NEMP2: variants seen among roughly 807,000 people sequenced by gnomAD.
NEMP2 encodes nuclear envelope integral membrane protein 2, also known as UPF0571 transmembrane protein.
In NEMP2, 53 loss-of-function variants were observed where a neutral mutation model predicts 54.2. That is an observed-to-expected ratio of 0.98 (90% confidence interval 0.78 to 1.23). The LOEUF is 1.23. Ranked by LOEUF, NEMP2 falls within the 50% of genes most tolerant of loss-of-function variation. The pLI is 0.00. For synonymous variants in NEMP2, 197 were observed against 190.3 expected (o/e 1.04, Z -0.29); for missense variants, 455 against 511.3 (o/e 0.89, Z 1.06).
At chr2:190,569,140 T>C in the NEMP2 span, among the ~76,000 whole-genome samples, 3 of 152,212 alleles carry the variant, frequency 2.0e-5, no homozygotes, top group African/African-American at 4.8e-5. Flanking sequence ...CTGCTCTTTG[T>C]CTTTTAGACT....
chr2:190,609,666 A>AT, the NEMP2 span: 1 of 152,186 alleles, frequency 6.6e-6, no homozygotes, highest in Admixed American at 6.5e-5. The surrounding 1 kb of genome is among the most constrained non-coding windows in gnomAD (Gnocchi z 4.7). Context: ...GCAGGCCTGC[A>AT]TTAGTGAGAC....
the NEMP2 span, among the ~76,000 whole-genome samples, chr2:190,642,651 T>G: frequency 6.6e-6 from 1 of 152,144 alleles, no homozygotes; most frequent in Non-Finnish European, 1.5e-5. The surrounding 1 kb of genome is among the most constrained non-coding windows in gnomAD (Gnocchi z 4.1). Context: ...AAGGGAAATT[T>G]TAATTATATT....
chr2:190,576,001 G>T, the NEMP2 span, among the ~76,000 whole-genome samples: 4 of 150,634 alleles, frequency 2.7e-5, no homozygotes, highest in Non-Finnish European at 4.4e-5. Flanking sequence ...TTGAGGCAGG[G>T]TCTCCCTCTG....
chr2:190,437,340 C>T, the NEMP2 span: 2 of 1,614,274 alleles, frequency 1.2e-6, no homozygotes, highest in South Asian at 1.1e-5. This position sits in a 1 kb window ranked among gnomAD's most constrained non-coding sequence, Gnocchi z 5.9. Context: ...ACTTTTGGGA[C>T]TTAATCAAGC....
At chr2:190,624,520 A>G in the NEMP2 span, 1 of 152,360 alleles carries the variant, frequency 6.6e-6, no homozygotes, top group East Asian at 1.9e-4. Flanking sequence ...TTTCATATTT[A>G]TTACTCTATT....
the NEMP2 span, among the ~76,000 whole-genome samples, chr2:190,564,151 G>T: frequency 6.6e-6 from 1 of 152,308 alleles, no homozygotes; most frequent in South Asian, 2.1e-4. This position sits in a 1 kb window ranked among gnomAD's most constrained non-coding sequence, Gnocchi z 4.2. Flanking sequence ...AATCTATTCT[G>T]CAATATTATG....
rs1263498200 is a variant in NEMP2, at chr2:190,530,880, C to T, written c.97+3679G>A. On this transcript the variant is annotated intron_variant, in intron 1 of 8. Coordinates refer to ENST00000409150, the MANE Select transcript of NEMP2 (RefSeq NM_001142645.2). The surrounding 1 kb of genome is among the most constrained non-coding windows in gnomAD (Gnocchi z 4.6). ...AAACTCAAATGTATCAAAACAACAACGGGCCAGGTGCTGAGGCTCATGCCT... is the reference window on the plus strand; with the variant it reads ...AAACTCAAATGTATCAAAACAACAATGGGCCAGGTGCTGAGGCTCATGCCT... 1.3e-5 allele frequency among the ~76,000 whole-genome samples: 2 copies of T among 152,086 alleles called. No individual in the cohort carries two copies. Among genetic ancestry groups the T allele is most frequent in the East Asian group, 1.9e-4 (1 of 5,182 alleles).
At chr2:190,640,740 G>A in the NEMP2 span, among the ~76,000 whole-genome samples, 7 of 147,718 alleles carry the variant, frequency 4.7e-5, no homozygotes, top group African/African-American at 1.8e-4. Context: ...ATTTGTTGTG[G>A]TAATTTGTTG....
chr2:190,477,423 T>C, the NEMP2 span: 1 of 916,338 alleles, frequency 1.1e-6, no homozygotes, highest in Non-Finnish European at 1.3e-6. Flanking sequence ...TAATAATACA[T>C]GCATATAACT....
At chr2:190,425,268 T>C in the NEMP2 span, among the ~76,000 whole-genome samples, 1 of 152,234 alleles carries the variant, frequency 6.6e-6, no homozygotes, top group East Asian at 1.9e-4. This position sits in a 1 kb window ranked among gnomAD's most constrained non-coding sequence, Gnocchi z 4.3. Context: ...TTCTACCTAG[T>C]CATGTTAACT....
intron 4 of NEMP2, among the ~76,000 whole-genome samples, chr2:190,518,450 T>C (rs1234463210): frequency 1.3e-5 from 2 of 152,224 alleles, no homozygotes; most frequent in African/African-American, 2.4e-5. Context: ...TTTTCTCATC[T>C]ATAAAATGAG....
At chr2:190,517,462 T>G in intron 5 of NEMP2, 58 bp downstream of exon 5, 1 of 1,216,324 alleles carries the variant, frequency 8.2e-7, no homozygotes, top group Non-Finnish European at 1.2e-6. Context: ...TGATTAATTT[T>G]TCATGTCTGT....
chr2:190,604,049 T>C, the NEMP2 span, among the ~76,000 whole-genome samples: 1 of 152,202 alleles, frequency 6.6e-6, no homozygotes, highest in Non-Finnish European at 1.5e-5. The surrounding 1 kb of genome is among the most constrained non-coding windows in gnomAD (Gnocchi z 4.5). Context: ...CATTTACTTC[T>C]TTCTCTATTA....
chr2:190,450,487 C>CCTTTT, the NEMP2 span, among the ~76,000 whole-genome samples: 1 of 64,406 alleles, frequency 1.6e-5, no homozygotes, highest in South Asian at 6.1e-4. Flanking sequence ...TTCTCTTTTT[C>CCTTTT]CTTTTTTTTT....
At chr2:190,497,878 T>A in the NEMP2 span, 1 of 819,434 alleles carries the variant, frequency 1.2e-6, no homozygotes. This position sits in a 1 kb window ranked among gnomAD's most constrained non-coding sequence, Gnocchi z 5.2. Flanking sequence ...AGCACTGAGT[T>A]AAAGAGGGTG....
the NEMP2 span, among the ~76,000 whole-genome samples, chr2:190,471,342 C>T: frequency 3.3e-5 from 5 of 152,150 alleles, no homozygotes; most frequent in African/African-American, 4.8e-5. This position sits in a 1 kb window ranked among gnomAD's most constrained non-coding sequence, Gnocchi z 4.7. Flanking sequence ...CTTTCCTAGC[C>T]GAGGAAAGGG....
At chr2:190,431,424 T>C in the NEMP2 span, among the ~76,000 whole-genome samples, 1 of 152,230 alleles carries the variant, frequency 6.6e-6, no homozygotes, top group Admixed American at 6.5e-5. The surrounding 1 kb of genome is among the most constrained non-coding windows in gnomAD (Gnocchi z 4.4). Context: ...CATTGATCAC[T>C]GAGTGAACGA....
chr2:190,466,731 CTTATT>C, the NEMP2 span, among the ~76,000 whole-genome samples: 1 of 152,124 alleles, frequency 6.6e-6, no homozygotes, highest in Non-Finnish European at 1.5e-5. Context: ...CTGGATACTT[CTTATT>C]TTGTGTTTTC....
At position 190,514,542 on chromosome 2, in the gene NEMP2, G is replaced by A. The variant is rs4586658; in HGVS notation, c.864C>T (p.Ala288=). The A allele has an allele frequency of 0.57, 886,776 of 1,551,318 alleles. 258,254 individuals are homozygous for A. The highest frequency in any genetic ancestry group is 0.71 in the Admixed American group (35,965 of 51,004). The part of the protein sequence containing the change: ...LSLVLVYAGV[A]VPQFAYAAII... ...TGGCTGCATAGGCAAACTGAGGCAC[G>A]GCCACACCAGCATAGACCAGAACCA... Residue 288 remains alanine (A), a synonymous_variant, in exon 7 of 9, where the codon GCC becomes GCT. Transcript: ENST00000409150. This position sits in a 1 kb window ranked among gnomAD's most constrained non-coding sequence, Gnocchi z 5.7.
Sources: gnomAD v4.1 joint callset for allele counts (sites outside exome capture counted in the v4.1 genomes callset) on GRCh38, gnomAD v4.1.1 for gene constraint, Gnocchi (gnomAD v3.1) non-coding constraint, MANE v1.5 for transcripts, NCBI Gene and HGNC (gene_info 2026-07-23, HGNC 2026-07-21) for gene names.